The following CRYAB variants were observed in gnomAD, a reference collection of about 807,000 sequenced individuals.
The protein encoded by CRYAB is alpha-crystallin B chain.
A neutral mutation model predicts 12.7 loss-of-function variants in CRYAB; 9 were observed. The observed-to-expected ratio is 0.71, with a 90% confidence interval of 0.43 to 1.24. The LOEUF (loss-of-function observed/expected upper bound fraction) is 1.24, where lower values mean the gene tolerates loss of function less well. Among genes scored for constraint, CRYAB ranks in the 50% most tolerant of loss-of-function variants. CRYAB has a pLI of 0.00. For synonymous variants in CRYAB, 93 were observed against 86.8 expected (o/e 1.07, Z -0.40); for missense variants, 183 against 226.6 (o/e 0.81, Z 1.24).
At chr11:111,913,213 TCCC>T, upstream of CRYAB, 2 of 571,690 alleles carry the variant, frequency 3.5e-6, no homozygotes. Context: ...CTCCTCCTCC[TCCC>T]CCTCCTCCTC....
intron 1 of CRYAB, 121 bp downstream of exon 1, chr11:111,911,403 T>A: frequency 2.0e-6 from 2 of 996,136 alleles, no homozygotes; most frequent in Non-Finnish European, 3.1e-6. Context: ...CTCATTTTTC[T>A]TCACATTTGG....
intron 2 of CRYAB, 46 bp from the exon 3 acceptor site, chr11:111,909,013 A>G (rs1188036067): frequency 5.6e-6 from 9 of 1,597,426 alleles, no homozygotes; most frequent in Non-Finnish European, 7.7e-6. Flanking sequence ...AAGAACAGGA[A>G]CTATTATCAC....
chr11:111,918,602 A>T, intron 1 of CRYAB: 6 of 646,818 alleles, frequency 9.3e-6, no homozygotes, highest in South Asian at 6.6e-5. Flanking sequence ...TCTATTATAG[A>T]GGATATATTT....
At chr11:111,916,012 G>A (rs988795887), upstream of CRYAB, among the ~76,000 whole-genome samples, 37 of 152,230 alleles carry the variant, frequency 2.4e-4, no homozygotes, top group African/African-American at 7.9e-4. Context: ...ACAGTACTGG[G>A]ATTACAGGTG....
At chr11:111,910,551 AT>A in intron 1 of CRYAB, 102 bp from the exon 2 acceptor site, 1 of 1,408,078 alleles carries the variant, frequency 7.1e-7, no homozygotes, top group Non-Finnish European at 1.0e-6. Context: ...TGTCCGGGTA[AT>A]TCATCCTTCT....
In CRYAB at chr11:111,911,656, G is replaced by C. The variant is rs1965462205; in HGVS notation, c.69C>G (p.Leu23=). The C allele has an allele frequency of 2.5e-6, 4 of 1,610,176 alleles. No homozygotes were observed. In the Middle Eastern group the frequency reaches 5.0e-4, roughly 199 times the overall value. The stretch of plus-strand genomic sequence containing the variant: ...GGTGCTCTCCGAAGAACTGGTCAAA[G>C]AGGCGGCTGGGGGAGTGGAAAGGAA... ...PFFPFHSPSR[L]FDQFFGEHLL... is the part of the protein sequence containing the mutation. Residue 23 remains leucine (L), a synonymous_variant, in exon 1 of 3, where the codon CTC becomes CTG. Transcript: ENST00000650687.
rs987496548 is a variant in CRYAB at position 111,910,445 on chromosome 11, C to T, written c.206G>A (p.Arg69His). 1.2e-5 allele frequency: 19 copies of T among 1,613,984 alleles called. No homozygotes were observed. Among genetic ancestry groups the T allele is most frequent in the African/African-American group, 6.7e-5 (5 of 74,890 alleles). The change falls in exon 2 of 3, where the codon CGC becomes CAC. Residue 69 changes from arginine (R) to histidine (H), a missense_variant. Coordinates refer to ENST00000650687, the MANE Select transcript of CRYAB (RefSeq NM_001289808.2). ...SWFDTGLSEM[R>H]LEKDRFSVNL... ...GACAGAGAACCTGTCCTTCTCCAGG[C>T]GCATCTAGAAATAGCAAGGTAAGGG...
chr11:111,909,932 T>C, intron 2 of CRYAB: 2 of 559,320 alleles, frequency 3.6e-6, no homozygotes, highest in Non-Finnish European at 3.2e-6. Flanking sequence ...GGTCCCACCC[T>C]TAAAAATGCT....
At chr11:111,910,102 C>A (rs1470821783) in intron 2 of CRYAB, 4 of 682,140 alleles carry the variant, frequency 5.9e-6, no homozygotes, top group South Asian at 1.6e-5. Flanking sequence ...TCCCATCATC[C>A]CATCTAAGGC....
At chr11:111,913,293 T>C (rs1274641941), upstream of CRYAB, 1 of 646,266 alleles carries the variant, frequency 1.5e-6, no homozygotes, top group Non-Finnish European at 2.8e-6. Flanking sequence ...CTTCTCCTCC[T>C]AGCTACAGTG....
At chr11:111,920,998 T>C (rs1379008185) in intron 1 of CRYAB, among the ~76,000 whole-genome samples, 2 of 152,164 alleles carry the variant, frequency 1.3e-5, no homozygotes, top group Non-Finnish European at 2.9e-5. Context: ...TAATAAATTA[T>C]CTGTGGGGTT....
intron 1 of CRYAB, chr11:111,919,207 G>A (rs1965647122): frequency 3.2e-6 from 2 of 621,100 alleles, no homozygotes; most frequent in African/African-American, 1.9e-5. Context: ...GGGCGCGGTG[G>A]CTCACGCCTC....
chr11:111,919,549 G>C (rs1370955691), intron 1 of CRYAB, among the ~76,000 whole-genome samples: 1 of 152,020 alleles, frequency 6.6e-6, no homozygotes, highest in Non-Finnish European at 1.5e-5. Context: ...ATATTGAACC[G>C]GCATTGTTTT....
intron 1 of CRYAB, 93 bp from the exon 2 acceptor site, chr11:111,910,542 G>C (rs1965420935): frequency 2.0e-6 from 3 of 1,474,378 alleles, no homozygotes; most frequent in African/African-American, 2.8e-5. Flanking sequence ...GCTGCTTTCT[G>C]TCCGGGTAAT....
chr11:111,920,917 A>C (rs1555166502), intron 1 of CRYAB, among the ~76,000 whole-genome samples: 1 of 152,232 alleles, frequency 6.6e-6, no homozygotes, highest in African/African-American at 2.4e-5. Flanking sequence ...AATGTAGATA[A>C]TACATCCTAC....
chr11:111,913,191 G>C (rs1040302774), upstream of CRYAB: 4 of 603,152 alleles, frequency 6.6e-6, no homozygotes, highest in African/African-American at 3.7e-5. Context: ...ATCCACCCAG[G>C]CCGTTTGGTG....
At chr11:111,918,397 T>C (rs895735896) in intron 1 of CRYAB, among the ~76,000 whole-genome samples, 1 of 152,158 alleles carries the variant, frequency 6.6e-6, no homozygotes, top group Non-Finnish European at 1.5e-5. Context: ...GGTTAAGTGA[T>C]TTGCCCACAT....
At chr11:111,913,668 G>A, upstream of CRYAB, 1 of 1,614,132 alleles carries the variant, frequency 6.2e-7, no homozygotes, top group South Asian at 1.1e-5. Context: ...CCAGCGCCTG[G>A]ACCGCCACGG....
upstream of CRYAB, chr11:111,913,219 T>C: frequency 3.8e-6 from 2 of 526,690 alleles, no homozygotes; most frequent in Non-Finnish European, 6.8e-6. Flanking sequence ...CTCCTCCCCC[T>C]CCTCCTCCTT....
Sources: allele counts gnomAD v4.1 joint callset (sites outside exome capture counted in the v4.1 genomes callset), GRCh38; gene constraint gnomAD v4.1.1; transcripts MANE v1.5; gene names NCBI Gene and HGNC (gene_info 2026-07-23, HGNC 2026-07-21).